Variants in ZNF618 observed in about 807,000 individuals in gnomAD.
ZNF618 encodes the protein neural precursor cell expressed, developmentally down-regulated 10.
A neutral mutation model predicts 103.0 loss-of-function variants in ZNF618; 34 were observed. The ratio of observed to expected loss-of-function variants is 0.33; its 90% CI spans 0.25 to 0.44. The LOEUF (loss-of-function observed/expected upper bound fraction) is 0.44. ZNF618 is among the 20% of genes least tolerant of loss of function. The pLI, the probability that ZNF618 is intolerant of heterozygous loss-of-function variation, is 1.00. For synonymous variants in ZNF618, 551 were observed against 542.2 expected, an observed-to-expected ratio of 1.02 and a Z score of -0.23; for missense variants, 1,059 against 1,295.4, an observed-to-expected ratio of 0.82 and a Z score of 2.80.
Position 114,048,924 on chromosome 9 carries a change from T to A in ZNF618, c.1622T>A (p.Leu541Ter). Residue 541 changes from leucine (L) to a stop codon, truncating the protein, a stop_gained, in exon 15 of 15, where the codon TTG (leucine) becomes TAG (stop). Transcript: ENST00000374126. LOFTEE classifies it high-confidence loss of function. ...NQVKVKVTCA[L>*]GSNACLGIGV... ...GTGAAGGTGAAAGTGACCTGTGCCTTGGGCAGCAATGCCTGCCTAGGCATC... is the reference window on the plus strand; with the variant it reads ...GTGAAGGTGAAAGTGACCTGTGCCTAGGGCAGCAATGCCTGCCTAGGCATC... 1 of 1,608,784 alleles carries A rather than the reference T, an allele frequency of 6.2e-7. No homozygotes were observed. Among genetic ancestry groups the A allele is most frequent in the South Asian group, 1.1e-5 (1 of 90,256 alleles).
chr9:114,003,076 G>T (rs767396266), intron 6 of ZNF618, among the ~76,000 whole-genome samples: 2 of 152,222 alleles, frequency 1.3e-5, no homozygotes, highest in Admixed American at 1.3e-4. Flanking sequence ...TGACTCTGGG[G>T]CTCCGTAGTT....
chr9:113,952,379 A>G (rs1210996722), intron 1 of ZNF618, among the ~76,000 whole-genome samples: 1 of 152,070 alleles, frequency 6.6e-6, no homozygotes, highest in Admixed American at 6.6e-5. Context: ...TTTTGCTCAA[A>G]ATGATTGATT....
chr9:114,040,576 C>T (rs925763526), intron 13 of ZNF618, among the ~76,000 whole-genome samples: 8 of 151,988 alleles, frequency 5.3e-5, no homozygotes, highest in African/African-American at 1.7e-4. Flanking sequence ...TGAGAACATG[C>T]GGTGTTTGGT....
At chr9:114,009,278 C>T (rs987219471) in intron 9 of ZNF618, among the ~76,000 whole-genome samples, 11 of 151,972 alleles carry the variant, frequency 7.2e-5, no homozygotes, top group African/African-American at 1.2e-4. Context: ...CAGATGGGGA[C>T]GAGGGTAGGG....
At chr9:114,036,559 C>T (rs1844632089) in intron 13 of ZNF618, among the ~76,000 whole-genome samples, 182 bp downstream of exon 13, 1 of 152,250 alleles carries the variant, frequency 6.6e-6, no homozygotes, top group African/African-American at 2.4e-5. Flanking sequence ...CTGGTCTGTG[C>T]TCTGCAGGTG....
intron 1 of ZNF618, among the ~76,000 whole-genome samples, chr9:113,903,161 T>C (rs1253923577): frequency 6.6e-6 from 1 of 152,216 alleles, no homozygotes; most frequent in Admixed American, 6.5e-5. Context: ...TCTAAGGACC[T>C]CTTTTGGTTT....
chr9:113,999,202 G>T (rs148619012), intron 4 of ZNF618, among the ~76,000 whole-genome samples: 3,116 of 151,642 alleles, frequency 0.021, 112 homozygotes, highest in African/African-American at 0.072. Flanking sequence ...AGGCGCAGGT[G>T]GGGGCCCTGG....
intron 6 of ZNF618, among the ~76,000 whole-genome samples, chr9:114,003,232 G>T (rs2133695741): frequency 6.6e-6 from 1 of 152,366 alleles, no homozygotes; most frequent in South Asian, 2.1e-4. Flanking sequence ...CAGCACTGCT[G>T]CTCACAGGCC....
chr9:114,053,073 C>T lies in ZNF618; in HGVS notation c.*2906C>T, dbSNP rs964767284. 10 of 152,606 alleles carry T rather than the reference C, an allele frequency of 6.6e-5. No individual in the cohort carries two copies. The highest frequency in any genetic ancestry group is 1.5e-4 in the Non-Finnish European group (10 of 68,040). The allele number at this position is 152,606 out of a possible 1,614,324, so 9.5% of individuals were successfully genotyped here. On this transcript the variant is annotated 3_prime_UTR_variant, in exon 15 of 15. Transcript: ENST00000374126. ...GTTTCTTGCAACCTCTGGTTCCCTC[C>T]GGAAACTGGTGTCACCAACAGGAAA...
chr9:113,998,900 C>T (rs890081061), intron 4 of ZNF618, among the ~76,000 whole-genome samples: 8 of 152,256 alleles, frequency 5.3e-5, no homozygotes, highest in African/African-American at 1.4e-4. Context: ...TGACCTGTAT[C>T]GTGTGCCTGC....
chr9:114,013,554 C>G (rs1842425825), intron 9 of ZNF618, among the ~76,000 whole-genome samples: 1 of 152,302 alleles, frequency 6.6e-6, no homozygotes, highest in East Asian at 1.9e-4. Flanking sequence ...CCTCAGCCTC[C>G]CAAGTAGCTG....
At chr9:114,030,464 C>A (rs1162141201) in intron 11 of ZNF618, among the ~76,000 whole-genome samples, 1 of 152,130 alleles carries the variant, frequency 6.6e-6, no homozygotes, top group Non-Finnish European at 1.5e-5. Flanking sequence ...AGTTTTTATG[C>A]CTGCGGTTTC....
intron 13 of ZNF618, among the ~76,000 whole-genome samples, chr9:114,039,669 C>A (rs746258989): frequency 1.3e-5 from 2 of 152,158 alleles, no homozygotes; most frequent in Non-Finnish European, 1.5e-5. Flanking sequence ...GGTTTCTAAC[C>A]CCTTTGAGCC....
chr9:113,945,154 C>G (rs768847660), intron 1 of ZNF618, among the ~76,000 whole-genome samples: 1 of 152,150 alleles, frequency 6.6e-6, no homozygotes, highest in African/African-American at 2.4e-5. Context: ...CCCACGTGCC[C>G]AACACCTTCC....
At chr9:113,946,814 G>T (rs370456685) in intron 1 of ZNF618, among the ~76,000 whole-genome samples, 2 of 152,200 alleles carry the variant, frequency 1.3e-5, no homozygotes, top group African/African-American at 2.4e-5. Context: ...TTGCAGAGCT[G>T]CAAGGGAGCC....
At chr9:113,998,882 AC>A (rs1357460204) in intron 4 of ZNF618, among the ~76,000 whole-genome samples, 1 of 152,240 alleles carries the variant, frequency 6.6e-6, no homozygotes, top group African/African-American at 2.4e-5. Context: ...GCTGCTAGTA[AC>A]AGCAGCTGAC....
chr9:113,941,124 C>T (rs976880123), intron 1 of ZNF618, among the ~76,000 whole-genome samples: 2 of 152,028 alleles, frequency 1.3e-5, no homozygotes, highest in African/African-American at 4.8e-5. Context: ...TTGTATTTCT[C>T]ATTTCTGACA....
intron 4 of ZNF618, among the ~76,000 whole-genome samples, chr9:113,999,999 C>T (rs760542206): frequency 1.4e-4 from 22 of 152,186 alleles, no homozygotes; most frequent in Non-Finnish European, 2.9e-4. Flanking sequence ...ATGGAGCCCT[C>T]GCTGTGTGCC....
At chr9:113,884,351 G>A (rs993529794) in intron 1 of ZNF618, among the ~76,000 whole-genome samples, 4 of 152,144 alleles carry the variant, frequency 2.6e-5, no homozygotes, top group African/African-American at 4.8e-5. Flanking sequence ...TCCTTGCACC[G>A]TATTTTCCTT....
Sources: gnomAD v4.1 joint callset for allele counts (sites outside exome capture counted in the v4.1 genomes callset) on GRCh38, gnomAD v4.1.1 for gene constraint, MANE v1.5 for transcripts, NCBI Gene and HGNC (gene_info 2026-07-23, HGNC 2026-07-21) for gene names.